Variants in MCTP1 observed in about 807,000 individuals in gnomAD.
MCTP1 encodes the protein multiple C2 and transmembrane domain-containing protein 1.
A neutral mutation model predicts 120.6 loss-of-function variants in MCTP1; 69 were observed. The ratio of observed to expected loss-of-function variants is 0.57; its 90% CI spans 0.47 to 0.70. The LOEUF is 0.70. Ranked by LOEUF, MCTP1 falls within the 30% of genes least tolerant of loss-of-function variation. MCTP1 has a pLI of 0.00. For missense variants in MCTP1, 1,203 were observed against 1,248.8 expected (o/e 0.96, Z 0.55); for synonymous variants, 529 against 493.1 (o/e 1.07, Z -0.96).
intron 1 of MCTP1, among the ~76,000 whole-genome samples, chr5:95,136,934 G>A (rs982572476): frequency 6.6e-6 from 1 of 152,136 alleles, no homozygotes; most frequent in African/African-American, 2.4e-5. Flanking sequence ...AGACTACAAT[G>A]GAGAAAAATT....
chr5:95,124,649 C>T (rs1392622127), intron 1 of MCTP1, among the ~76,000 whole-genome samples: 1 of 152,148 alleles, frequency 6.6e-6, no homozygotes, highest in Non-Finnish European at 1.5e-5. Context: ...GGGTAAAGTC[C>T]TATCCCAGCC....
chr5:94,896,454 C>T (rs2153408406), intron 10 of MCTP1, among the ~76,000 whole-genome samples: 1 of 151,764 alleles, frequency 6.6e-6, no homozygotes, highest in South Asian at 2.1e-4. Context: ...TCATGCATTT[C>T]CCGGTCCCTT....
At chr5:94,981,253 C>A (rs1829347493) in intron 2 of MCTP1, among the ~76,000 whole-genome samples, 1 of 152,086 alleles carries the variant, frequency 6.6e-6, no homozygotes, top group African/African-American at 2.4e-5. Context: ...TAGAACCAAT[C>A]TAAGTTATAC....
intron 22 of MCTP1, 198 bp downstream of exon 22, chr5:94,708,310 CTCTT>C (rs1322393304): frequency 2.4e-6 from 1 of 413,414 alleles, no homozygotes; most frequent in South Asian, 4.3e-5. Flanking sequence ...TATGCAACTG[CTCTT>C]TCTCCCATTC....
chr5:94,892,753 A>T (rs1390676270), intron 11 of MCTP1, among the ~76,000 whole-genome samples: 1 of 152,186 alleles, frequency 6.6e-6, no homozygotes, highest in South Asian at 2.1e-4. Flanking sequence ...AAAAATACAC[A>T]TGTTCTTGCA....
chr5:95,145,304 T>C (rs1760291236), intron 1 of MCTP1, among the ~76,000 whole-genome samples: 1 of 152,128 alleles, frequency 6.6e-6, no homozygotes. Context: ...GGTGCAGTCT[T>C]TTGGGGTTTT....
chr5:95,075,742 A>AC (rs1211649701), intron 1 of MCTP1, among the ~76,000 whole-genome samples: 2 of 152,116 alleles, frequency 1.3e-5, no homozygotes, highest in African/African-American at 4.8e-5. Flanking sequence ...CTTTGTTTCT[A>AC]CCCCTTAGAA....
intron 17 of MCTP1, among the ~76,000 whole-genome samples, chr5:94,800,937 G>T (rs1036712656): frequency 1.3e-5 from 2 of 151,716 alleles, no homozygotes; most frequent in African/African-American, 4.8e-5. Context: ...TCCAGAAAAA[G>T]AAAAATATTT....
At chr5:94,937,924 A>G (rs192486090) in intron 5 of MCTP1, among the ~76,000 whole-genome samples, 1 of 152,172 alleles carries the variant, frequency 6.6e-6, no homozygotes. Flanking sequence ...GCACTTAGGT[A>G]TCTTGATTTA....
intron 1 of MCTP1, among the ~76,000 whole-genome samples, chr5:95,069,182 T>C (rs1751470340): frequency 6.6e-6 from 1 of 152,160 alleles, no homozygotes. Flanking sequence ...GGGGTGATGG[T>C]GAGTTACAAT....
intron 17 of MCTP1, among the ~76,000 whole-genome samples, chr5:94,810,660 C>T (rs1783215789): frequency 1.3e-5 from 2 of 152,120 alleles, no homozygotes; most frequent in Admixed American, 6.6e-5. Context: ...TATGGTAATT[C>T]CTTTTTTATA....
intron 1 of MCTP1, among the ~76,000 whole-genome samples, chr5:95,238,838 T>A (rs763239630): frequency 5.9e-5 from 9 of 152,130 alleles, no homozygotes; most frequent in Non-Finnish European, 1.2e-4. Context: ...GCCACCAGCA[T>A]ACATACACAA....
At chr5:95,097,786 G>C (rs73776183) in intron 1 of MCTP1, among the ~76,000 whole-genome samples, 1 of 152,266 alleles carries the variant, frequency 6.6e-6, no homozygotes, top group African/African-American at 2.4e-5. Context: ...ATAATAGATA[G>C]ATCAAAGCAC....
intron 1 of MCTP1, among the ~76,000 whole-genome samples, chr5:95,193,768 T>C (rs1750080390): frequency 6.6e-6 from 1 of 152,216 alleles, no homozygotes; most frequent in Non-Finnish European, 1.5e-5. Context: ...CATATGGATA[T>C]CACAGGAGTG....
chr5:95,055,397 A>G (rs1236528598), intron 1 of MCTP1, among the ~76,000 whole-genome samples: 1 of 152,228 alleles, frequency 6.6e-6, no homozygotes, highest in African/African-American at 2.4e-5. Flanking sequence ...AGATTGGGAA[A>G]AATATTTAAT....
chr5:94,844,981 T>C (rs956626561), intron 17 of MCTP1, among the ~76,000 whole-genome samples: 1 of 152,192 alleles, frequency 6.6e-6, no homozygotes, highest in Non-Finnish European at 1.5e-5. Context: ...AAATAGAACT[T>C]GATTAAACTA....
intron 1 of MCTP1, among the ~76,000 whole-genome samples, chr5:95,144,188 T>C (rs1166819916): frequency 6.6e-6 from 1 of 152,214 alleles, no homozygotes; most frequent in Non-Finnish European, 1.5e-5. Flanking sequence ...CATATATTTG[T>C]TGGCCGCTTG....
At chr5:95,149,488 G>A (rs1449192824) in intron 1 of MCTP1, among the ~76,000 whole-genome samples, 5 of 26,126 alleles carry the variant, frequency 1.9e-4, no homozygotes, top group African/African-American at 4.3e-4. Flanking sequence ...GAGCCACTGT[G>A]CTGGGAGCCC....
chr5:94,788,847 T>C (rs255350), intron 18 of MCTP1: 113,159 of 152,050 alleles, frequency 0.74, 43,061 homozygotes, highest in Middle Eastern at 0.85. Flanking sequence ...ACGGAAATGG[T>C]GAAGTCCTGG....
Sources: allele counts gnomAD v4.1 joint callset (sites outside exome capture counted in the v4.1 genomes callset), GRCh38; gene constraint gnomAD v4.1.1; transcripts MANE v1.5; gene names NCBI Gene and HGNC (gene_info 2026-07-23, HGNC 2026-07-21).